Variants in GRIN2B observed in about 807,000 individuals in gnomAD.
GRIN2B encodes glutamate receptor ionotropic, NMDA 2B.
In GRIN2B, 5 loss-of-function variants were observed where a neutral mutation model predicts 114.5. The ratio of observed to expected loss-of-function variants is 0.04; its 90% confidence interval spans 0.02 to 0.09. GRIN2B has a LOEUF of 0.09. GRIN2B is among the 10% of genes least tolerant of loss of function. The pLI is 1.00. For synonymous variants in GRIN2B, 787 were observed against 745.1 expected, an observed-to-expected ratio of 1.06 and a Z score of -0.92; for missense variants, 1,108 against 1,943.5, an observed-to-expected ratio of 0.57 and a Z score of 8.08.
chr12:13,563,305 C>G lies in GRIN2B; in HGVS notation c.3933G>C (p.Gln1311His). ...GCGGGGCCAGGGCGGCTTCTTCCTTCTGCAGGTCCACGAAGGTGTCGTAGG... is the reference window on the plus strand; with the variant it reads ...GCGGGGCCAGGGCGGCTTCTTCCTTGTGCAGGTCCACGAAGGTGTCGTAGG... ...QHSYDTFVDL[Q>H]KEEAALAPRS... The change falls in exon 14 of 14, where the codon CAG becomes CAC. Residue 1311 changes from glutamine to histidine, a missense_variant. Gln to His is a conservative substitution (Grantham distance 24). Transcript: ENST00000609686. 1 of 1,614,240 alleles carries G rather than the reference C, an allele frequency of 6.2e-7. No individual in the cohort carries two copies. The highest frequency in any genetic ancestry group is 1.3e-5 in the African/African-American group (1 of 75,072).
At chr12:13,774,972 G>A (rs1863976976) in intron 3 of GRIN2B, among the ~76,000 whole-genome samples, 1 of 151,908 alleles carries the variant, frequency 6.6e-6, no homozygotes, top group African/African-American at 2.4e-5. Context: ...CCATGCAGGA[G>A]AGGTAAAATG....
intron 10 of GRIN2B, among the ~76,000 whole-genome samples, 196 bp downstream of exon 10, chr12:13,608,407 C>T (rs548424102): frequency 1.3e-5 from 2 of 152,230 alleles, no homozygotes; most frequent in African/African-American, 2.4e-5. Context: ...TAACTTTTCA[C>T]GAATCAGGAG....
chr12:13,736,061 T>C (rs184231717), intron 4 of GRIN2B, among the ~76,000 whole-genome samples: 12 of 145,316 alleles, frequency 8.3e-5, no homozygotes, highest in African/African-American at 2.6e-4. Flanking sequence ...ACCTTTGCAA[T>C]AGAAATAGAA....
chr12:13,948,131 A>G (rs1476047772), intron 2 of GRIN2B, among the ~76,000 whole-genome samples: 1 of 152,206 alleles, frequency 6.6e-6, no homozygotes, highest in Non-Finnish European at 1.5e-5. Context: ...ACATGCATAA[A>G]TATGATACAA....
chr12:13,936,900 TG>T, intron 2 of GRIN2B, among the ~76,000 whole-genome samples: 1 of 150,632 alleles, frequency 6.6e-6, no homozygotes, highest in African/African-American at 2.4e-5. Flanking sequence ...CTAACTGAAA[TG>T]AAAAAAAAAA....
chr12:13,642,538 A>G (rs1457804693), intron 5 of GRIN2B, among the ~76,000 whole-genome samples: 1 of 152,164 alleles, frequency 6.6e-6, no homozygotes, highest in Non-Finnish European at 1.5e-5. Context: ...TAATTATTAC[A>G]TGTATACTTT....
intron 2 of GRIN2B, 83 bp from the exon 3 acceptor site, chr12:13,866,309 AG>A: frequency 8.3e-7 from 1 of 1,202,612 alleles, no homozygotes. Context: ...CTGCAATTCA[AG>A]GACCTTATCT....
At chr12:13,966,941 T>A (rs1205382606) in intron 2 of GRIN2B, among the ~76,000 whole-genome samples, 1 of 152,204 alleles carries the variant, frequency 6.6e-6, no homozygotes, top group Non-Finnish European at 1.5e-5. Context: ...ACTCCTGAGT[T>A]CTTGCTCAGG....
intron 3 of GRIN2B, among the ~76,000 whole-genome samples, chr12:13,802,773 C>T (rs1284143089): frequency 6.6e-6 from 1 of 152,110 alleles, no homozygotes; most frequent in Admixed American, 6.6e-5. Context: ...GAGAGATGTT[C>T]AGAATGCTAA....
At chr12:13,891,194 C>CAATATGCAAATGCATGTGAAT (rs1866256021) in intron 2 of GRIN2B, among the ~76,000 whole-genome samples, 3 of 152,198 alleles carry the variant, frequency 2.0e-5, no homozygotes, top group African/African-American at 4.8e-5. Context: ...CTCTTGAACT[C>CAATATGCAAATGCATGTGAAT]AATATGCAAA....
intron 3 of GRIN2B, among the ~76,000 whole-genome samples, chr12:13,842,518 T>C (rs1865395867): frequency 6.6e-6 from 1 of 152,226 alleles, no homozygotes; most frequent in Non-Finnish European, 1.5e-5. Context: ...CATACCACTA[T>C]TGATTAAAAC....
At chr12:13,917,744 C>T (rs1866757443) in intron 2 of GRIN2B, among the ~76,000 whole-genome samples, 1 of 152,190 alleles carries the variant, frequency 6.6e-6, no homozygotes, top group Non-Finnish European at 1.5e-5. Context: ...AAAGTCAAAA[C>T]CAGCCTATAA....
intron 2 of GRIN2B, among the ~76,000 whole-genome samples, chr12:13,910,892 A>G (rs114279992): frequency 1.3e-5 from 2 of 152,074 alleles, no homozygotes; most frequent in Admixed American, 1.3e-4. Flanking sequence ...CAAATCTGTC[A>G]TGCTTGTTTG....
chr12:13,825,496 T>TTTTTTTTTGTGTGTGTGTGTG (rs375940899), intron 3 of GRIN2B, among the ~76,000 whole-genome samples: 1 of 122,994 alleles, frequency 8.1e-6, no homozygotes, highest in African/African-American at 3.1e-5. Context: ...TATATATATT[T>TTTTTTTTTGTGTGTGTGTGTG]TGTGTGTGTG....
At chr12:13,841,613 G>A (rs1047371096) in intron 3 of GRIN2B, among the ~76,000 whole-genome samples, 1 of 152,178 alleles carries the variant, frequency 6.6e-6, no homozygotes, top group Non-Finnish European at 1.5e-5. Context: ...GACGCATCTC[G>A]ATCCACAGCT....
chr12:13,554,299 A>G lies in GRIN2B; in HGVS notation c.*8484T>C, dbSNP rs1208764468. 1.3e-5 allele frequency: 2 copies of G among 152,164 alleles called. No homozygotes were observed. Among genetic ancestry groups the G allele is most frequent in the Admixed American group, 1.3e-4 (2 of 15,278 alleles). The allele number at this position is 152,164 out of a possible 1,614,324, so 9.4% of individuals were successfully genotyped here. ...GCTGCCACTAGGGAGAAACAACGAA[A>G]GTGTTATGGGCATTCATAAAATGCC... is the stretch of plus-strand genomic sequence containing the variant. On this transcript the variant is annotated 3_prime_UTR_variant, in exon 14 of 14. Coordinates refer to ENST00000609686, the MANE Select transcript of GRIN2B (RefSeq NM_000834.5).
chr12:13,815,755 G>T (rs1864811136), intron 3 of GRIN2B, among the ~76,000 whole-genome samples: 1 of 152,074 alleles, frequency 6.6e-6, no homozygotes, highest in South Asian at 2.1e-4. Flanking sequence ...GAAAAGGTGG[G>T]GTTAAAATAC....
At chr12:13,970,726 T>A (rs369722043) in intron 2 of GRIN2B, among the ~76,000 whole-genome samples, 1 of 88,068 alleles carries the variant, frequency 1.1e-5, no homozygotes. Context: ...CACACACACA[T>A]CCAGTATTTC....
chr12:13,784,443 T>C (rs141124027), intron 3 of GRIN2B, among the ~76,000 whole-genome samples: 29 of 152,092 alleles, frequency 1.9e-4, no homozygotes, highest in African/African-American at 6.7e-4. Context: ...TGTCCCCAGG[T>C]GACAGAATTT....
Sources: gnomAD v4.1 joint callset for allele counts (sites outside exome capture counted in the v4.1 genomes callset) on GRCh38, gnomAD v4.1.1 for gene constraint, MANE v1.5 for transcripts, NCBI Gene and HGNC (gene_info 2026-07-23, HGNC 2026-07-21) for gene names.